The following VPS37A variants were observed in gnomAD, a reference collection of about 807,000 sequenced individuals.
VPS37A encodes vacuolar protein sorting-associated protein 37A.
Under a neutral mutation model 49.8 loss-of-function variants are expected in VPS37A, and 30 were observed. The observed-to-expected ratio is 0.60, with a 90% confidence interval of 0.45 to 0.82. The LOEUF (loss-of-function observed/expected upper bound fraction) is 0.82, where lower values mean the gene tolerates loss of function less well. Ranked by LOEUF, VPS37A falls within the 40% of genes least tolerant of loss-of-function variation. The pLI is 0.00. For missense variants in VPS37A, 593 were observed against 464.4 expected, an observed-to-expected ratio of 1.28 and a Z score of -2.55; for synonymous variants, 195 against 160.6, an observed-to-expected ratio of 1.21 and a Z score of -1.62.
intron 6 of VPS37A, chr8:17,279,741 C>A (rs1218841106): frequency 2.1e-6 from 1 of 484,358 alleles, no homozygotes; most frequent in Non-Finnish European, 4.0e-6. Context: ...TAACTGTGAA[C>A]ACTTCCCCAC....
At chr8:17,329,522 A>G in the VPS37A span, among the ~76,000 whole-genome samples, 2 of 152,254 alleles carry the variant, frequency 1.3e-5, no homozygotes, top group Non-Finnish European at 2.9e-5. Flanking sequence ...ACGAGAAACC[A>G]AAGATTACCC....
In VPS37A at chr8:17,284,551, G is replaced by C; in HGVS notation, c.1048G>C (p.Glu350Gln). The change falls in exon 10 of 12, where the codon GAA (glutamate) becomes CAA (glutamine). Residue 350 changes from glutamate to glutamine, a missense_variant. Physicochemically the swap from Glu to Gln is conservative, Grantham distance 29 (BLOSUM62 2). Transcript: ENST00000324849. ...EAEEESDNIA[E>Q]DFLEGKMEID... ...TGAGGAAGAATCTGATAATATTGCA[G>C]AAGACTTCTTGGAGGGAAAGATGGA... 6.2e-7 allele frequency: 1 copy of C among 1,601,480 alleles called. No individual in the cohort carries two copies.
At chr8:17,304,535 T>G, downstream of VPS37A, 1 of 1,610,546 alleles carries the variant, frequency 6.2e-7, no homozygotes, top group Non-Finnish European at 8.5e-7. Context: ...ATAAAGAAAA[T>G]AAGTCTATAA....
chr8:17,325,738 C>G, the VPS37A span, among the ~76,000 whole-genome samples: 1 of 151,798 alleles, frequency 6.6e-6, no homozygotes, highest in South Asian at 2.1e-4. Context: ...GCGCTGATTG[C>G]ACACAGACCC....
intron 6 of VPS37A, among the ~76,000 whole-genome samples, chr8:17,278,651 A>G (rs1814750280): frequency 6.6e-6 from 1 of 152,122 alleles, no homozygotes; most frequent in South Asian, 2.1e-4. Flanking sequence ...CCAAAATAAC[A>G]ATACCAGTAC....
At chr8:17,311,775 C>G in the VPS37A span, 5 of 1,338,752 alleles carry the variant, frequency 3.7e-6, no homozygotes, top group African/African-American at 5.8e-5. Context: ...CTGTTTAGGG[C>G]CCCCCCTAAT....
chr8:17,307,343 C>T (rs937621074), downstream of VPS37A, among the ~76,000 whole-genome samples: 2 of 152,214 alleles, frequency 1.3e-5, no homozygotes, highest in African/African-American at 4.8e-5. Context: ...GATACACCAT[C>T]TCACACCAGT....
At chr8:17,260,226 A>G (rs917145307) in intron 1 of VPS37A, among the ~76,000 whole-genome samples, 2 of 152,142 alleles carry the variant, frequency 1.3e-5, no homozygotes, top group African/African-American at 4.8e-5. Context: ...AATCTACTAT[A>G]GGTTTTTGCA....
At chr8:17,306,809 T>G (rs1364842919), downstream of VPS37A, among the ~76,000 whole-genome samples, 2 of 152,200 alleles carry the variant, frequency 1.3e-5, no homozygotes, top group African/African-American at 4.8e-5. Flanking sequence ...TTGGTAGCTT[T>G]AAAAAGTGTT....
chr8:17,331,993 A>C, the VPS37A span, among the ~76,000 whole-genome samples: 61 of 152,356 alleles, frequency 4.0e-4, no homozygotes, highest in South Asian at 0.012. Flanking sequence ...GAAGAAGTTT[A>C]TTAAATCCAA....
At chr8:17,303,184 T>A (rs1817239035), downstream of VPS37A, among the ~76,000 whole-genome samples, 1 of 152,166 alleles carries the variant, frequency 6.6e-6, no homozygotes, top group Non-Finnish European at 1.5e-5. Context: ...CAGTGTTTGA[T>A]CCTCAATAAA....
chr8:17,302,366 C>A, downstream of VPS37A: 1 of 1,420,906 alleles, frequency 7.0e-7, no homozygotes. Context: ...ATCTATGATA[C>A]CACAGTCTTA....
intron 1 of VPS37A, among the ~76,000 whole-genome samples, chr8:17,258,501 G>A (rs971784411): frequency 2.6e-5 from 4 of 152,206 alleles, no homozygotes; most frequent in Middle Eastern, 3.4e-3. Context: ...ACCTGATAAT[G>A]GTGAATGATC....
At chr8:17,271,690 A>G (rs1404271874) in intron 4 of VPS37A, among the ~76,000 whole-genome samples, 1 of 152,116 alleles carries the variant, frequency 6.6e-6, no homozygotes, top group Admixed American at 6.5e-5. Context: ...GCTCCTCCAA[A>G]TAAGCTGTTG....
intron 1 of VPS37A, among the ~76,000 whole-genome samples, chr8:17,264,870 A>G (rs1295774975): frequency 1.3e-5 from 2 of 152,156 alleles, no homozygotes; most frequent in East Asian, 3.9e-4. Flanking sequence ...GTGAGCCCCC[A>G]AAAGACTTGC....
At chr8:17,290,910 C>A (rs1461526433) in intron 11 of VPS37A, among the ~76,000 whole-genome samples, 1 of 152,058 alleles carries the variant, frequency 6.6e-6, no homozygotes, top group African/African-American at 2.4e-5. Flanking sequence ...ATGTATGTGT[C>A]CAGGAATTTA....
At chr8:17,255,069 C>A (rs1233962474) in intron 1 of VPS37A, among the ~76,000 whole-genome samples, 2 of 152,216 alleles carry the variant, frequency 1.3e-5, no homozygotes, top group Non-Finnish European at 2.9e-5. Context: ...GCACAAAACA[C>A]CCCATATTCA....
intron 1 of VPS37A, among the ~76,000 whole-genome samples, chr8:17,256,630 T>C (rs1812488729): frequency 6.9e-6 from 1 of 145,326 alleles, no homozygotes; most frequent in South Asian, 2.2e-4. Flanking sequence ...GCTGTGTAGG[T>C]TTTATTTATT....
At chr8:17,262,702 A>G (rs1244563123) in intron 1 of VPS37A, among the ~76,000 whole-genome samples, 1 of 152,138 alleles carries the variant, frequency 6.6e-6, no homozygotes, top group African/African-American at 2.4e-5. Context: ...CAATCTAAAT[A>G]TCTAATAGTA....
Sources: gnomAD v4.1 joint callset for allele counts (sites outside exome capture counted in the v4.1 genomes callset) on GRCh38, gnomAD v4.1.1 for gene constraint, MANE v1.5 for transcripts, NCBI Gene and HGNC (gene_info 2026-07-23, HGNC 2026-07-21) for gene names.